The following CCL28 variants were observed in gnomAD, a reference collection of about 807,000 sequenced individuals.
The protein encoded by CCL28 is C-C motif chemokine 28.
In CCL28, 4 loss-of-function variants were observed where a neutral mutation model predicts 7.1. The ratio of observed to expected loss-of-function variants is 0.56; its 90% CI spans 0.28 to 1.29. The LOEUF (loss-of-function observed/expected upper bound fraction) is 1.29. Among genes scored for constraint, CCL28 ranks in the 50% most tolerant of loss-of-function variants. CCL28 has a pLI of 0.11. For missense variants in CCL28, 151 were observed against 163.4 expected (o/e 0.92, Z 0.41); for synonymous variants, 55 against 57.8 (o/e 0.95, Z 0.22).
At chr5:43,402,304 A>G (rs1292559931) in intron 1 of CCL28, among the ~76,000 whole-genome samples, 2 of 152,188 alleles carry the variant, frequency 1.3e-5, no homozygotes, top group Non-Finnish European at 2.9e-5. Context: ...TAAACTTTCA[A>G]ATTATCTGGT....
chr5:43,408,814 T>A (rs558679628), intron 1 of CCL28, among the ~76,000 whole-genome samples: 21 of 152,262 alleles, frequency 1.4e-4, no homozygotes, highest in Non-Finnish European at 2.2e-4. Context: ...ACTAAGTATT[T>A]GTAACTTTCA....
At chr5:43,362,258 T>C in the CCL28 span, among the ~76,000 whole-genome samples, 1,833 of 152,240 alleles carry the variant, frequency 0.012, 19 homozygotes, top group Non-Finnish European at 0.018. Flanking sequence ...CAGTTATGAA[T>C]GGGATTACAT....
chr5:43,383,583 A>T (rs1486655663), intron 2 of CCL28, among the ~76,000 whole-genome samples: 1 of 151,434 alleles, frequency 6.6e-6, no homozygotes, highest in East Asian at 1.9e-4. Flanking sequence ...AGAGAGTCTT[A>T]AAAAAAAACA....
At position 43,382,062 on chromosome 5, in the gene CCL28, A is replaced by G; in HGVS notation, c.192-10T>C. On this transcript the variant is annotated splice_polypyrimidine_tract_variant and intron_variant, in intron 2 of 2. Transcript: ENST00000361115. ...GCGCTTGACATGAAGGCTGTTAGAA[A>G]AGGAAGCAAAAGAAAGTCACTGATA... 1 of 1,597,668 alleles carries G rather than the reference A, an allele frequency of 6.3e-7. No individual in the cohort carries two copies. The highest frequency in any genetic ancestry group is 8.5e-7 in the Non-Finnish European group (1 of 1,171,766).
the CCL28 span, among the ~76,000 whole-genome samples, chr5:43,368,214 G>T: frequency 6.6e-6 from 1 of 152,188 alleles, no homozygotes; most frequent in African/African-American, 2.4e-5. Flanking sequence ...ATGGTAGGCT[G>T]GTAGTTGCAA....
intron 1 of CCL28, 51 bp downstream of exon 1, chr5:43,412,202 G>A: frequency 6.8e-7 from 1 of 1,480,874 alleles, no homozygotes; most frequent in Non-Finnish European, 9.3e-7. Context: ...ACAGATTTGG[G>A]AGATACCCCC....
the CCL28 span, among the ~76,000 whole-genome samples, chr5:43,357,380 C>G: frequency 5.3e-5 from 8 of 152,182 alleles, no homozygotes; most frequent in Non-Finnish European, 8.8e-5. Context: ...ATTCAGTATA[C>G]AGCAGACCAT....
Position 43,379,652 on chromosome 5 carries a change from G to C in CCL28, c.*2208C>G, listed in dbSNP as rs1055214667. On this transcript the variant is annotated 3_prime_UTR_variant, in exon 3 of 3. Transcript: ENST00000361115. ...CCATTATCACCTCCAAGACATCCTGGCAACACCACCGCTTGGGACTAGCCA... is the reference window on the plus strand; with the variant it reads ...CCATTATCACCTCCAAGACATCCTGCCAACACCACCGCTTGGGACTAGCCA... The C allele has an allele frequency of 1.3e-5, 2 of 152,122 alleles. No individual in the cohort carries two copies. The highest frequency in any genetic ancestry group is 4.8e-5 in the African/African-American group (2 of 41,422). 9.4% of individuals were successfully genotyped at this position (152,122 alleles called of 1,614,324 possible).
At chr5:43,402,807 C>T (rs1741094821) in intron 1 of CCL28, among the ~76,000 whole-genome samples, 2 of 152,228 alleles carry the variant, frequency 1.3e-5, no homozygotes, top group South Asian at 4.1e-4. Flanking sequence ...GGGACACTCC[C>T]ACCCTAATAC....
At chr5:43,409,106 T>G (rs1741428615) in intron 1 of CCL28, among the ~76,000 whole-genome samples, 1 of 152,124 alleles carries the variant, frequency 6.6e-6, no homozygotes, top group African/African-American at 2.4e-5. Flanking sequence ...AGTGAGACTC[T>G]ATCTCTACAA....
At chr5:43,377,717 CTTTTTTTTTTTTTTTTT>C (rs767834184), downstream of CCL28, among the ~76,000 whole-genome samples, 221 of 42,718 alleles carry the variant, frequency 5.2e-3, 4 homozygotes, top group Non-Finnish European at 5.3e-3. Flanking sequence ...AGAACTTAAA[CTTTTTTTTTTTTTTTTT>C]TTTTTTTTTT....
At chr5:43,362,407 A>G in the CCL28 span, among the ~76,000 whole-genome samples, 1 of 152,194 alleles carries the variant, frequency 6.6e-6, no homozygotes, top group African/African-American at 2.4e-5. Flanking sequence ...GGGGTTTTCT[A>G]GATATAGAAT....
the CCL28 span, among the ~76,000 whole-genome samples, chr5:43,358,339 G>T: frequency 6.6e-6 from 1 of 152,078 alleles, no homozygotes; most frequent in Admixed American, 6.5e-5. Flanking sequence ...AGACAGAAAA[G>T]GTCATAAAAA....
At chr5:43,401,893 G>A (rs777111120) in intron 1 of CCL28, among the ~76,000 whole-genome samples, 5 of 152,146 alleles carry the variant, frequency 3.3e-5, no homozygotes, top group Non-Finnish European at 7.3e-5. Context: ...GATATTGAAG[G>A]GACATTGCAG....
At chr5:43,388,612 T>G (rs983902664) in intron 1 of CCL28, 136 bp from the exon 2 acceptor site, 1 of 784,342 alleles carries the variant, frequency 1.3e-6, no homozygotes, top group African/African-American at 1.8e-5. Context: ...GAATACAGAC[T>G]TGGGGCAGGA....
At chr5:43,374,413 A>T (rs1452810270), downstream of CCL28, among the ~76,000 whole-genome samples, 1 of 152,268 alleles carries the variant, frequency 6.6e-6, no homozygotes, top group Non-Finnish European at 1.5e-5. Context: ...ACAGTGTGCT[A>T]GAATTGTCAA....
chr5:43,410,052 T>A (rs1366880301), intron 1 of CCL28, among the ~76,000 whole-genome samples: 5 of 152,220 alleles, frequency 3.3e-5, no homozygotes, highest in Admixed American at 6.5e-5. Flanking sequence ...ACCATTAAGA[T>A]AAGGGAACAG....
At chr5:43,373,726 T>C (rs143099536), downstream of CCL28, among the ~76,000 whole-genome samples, 44 of 152,354 alleles carry the variant, frequency 2.9e-4, no homozygotes, top group Non-Finnish European at 3.8e-4. Flanking sequence ...GGCCACTATG[T>C]TCCCACATTC....
At chr5:43,390,089 A>T (rs1197631873) in intron 1 of CCL28, among the ~76,000 whole-genome samples, 2 of 152,218 alleles carry the variant, frequency 1.3e-5, no homozygotes, top group Admixed American at 1.3e-4. Context: ...GCTGAAAAAG[A>T]TGATTATGTG....
Sources: allele counts gnomAD v4.1 joint callset (sites outside exome capture counted in the v4.1 genomes callset), GRCh38; gene constraint gnomAD v4.1.1; transcripts MANE v1.5; gene names NCBI Gene and HGNC (gene_info 2026-07-23, HGNC 2026-07-21).